The following ADGRV1 variants were observed in gnomAD, a reference collection of about 807,000 sequenced individuals.
ADGRV1 encodes the protein G-protein coupled receptor 98.
ADGRV1 carries 359 observed loss-of-function variants against 596.2 expected under a neutral mutation model. The ratio of observed to expected loss-of-function variants is 0.60; its 90% CI spans 0.55 to 0.66. The LOEUF (loss-of-function observed/expected upper bound fraction) is 0.66. ADGRV1 is among the 30% of genes least tolerant of loss of function. The probability of loss-of-function intolerance (pLI) is 0.00; values close to 1 mark genes in which losing one functional copy is unlikely to be tolerated. For missense variants in ADGRV1, 7,274 were observed against 7,575.6 expected (o/e 0.96, Z 1.48); for synonymous variants, 2,681 against 2,679.2 (o/e 1.00, Z -0.02).
At chr5:91,055,413 T>C (rs923826455) in intron 85 of ADGRV1, among the ~76,000 whole-genome samples, 3 of 152,202 alleles carry the variant, frequency 2.0e-5, no homozygotes, top group Admixed American at 1.3e-4. Context: ...TAATAATGGC[T>C]GTCCTTTACT....
intron 87 of ADGRV1, among the ~76,000 whole-genome samples, chr5:91,134,897 T>A (rs1794505380): frequency 6.6e-6 from 1 of 152,112 alleles, no homozygotes. Context: ...AAATTGGAAA[T>A]TTGGGATTTA....
intron 85 of ADGRV1, among the ~76,000 whole-genome samples, chr5:91,057,983 A>G (rs1480542123): frequency 6.6e-6 from 1 of 152,214 alleles, no homozygotes; most frequent in East Asian, 1.9e-4. Context: ...GATTTATTCA[A>G]TAGTCCCCTA....
At chr5:90,879,697 G>A (rs979831988) in intron 83 of ADGRV1, among the ~76,000 whole-genome samples, 2 of 151,668 alleles carry the variant, frequency 1.3e-5, no homozygotes, top group Admixed American at 6.6e-5. Context: ...CTGTAATCCC[G>A]ACACTTTGGG....
chr5:91,132,346 A>G (rs1380527158), intron 87 of ADGRV1, among the ~76,000 whole-genome samples: 1 of 152,248 alleles, frequency 6.6e-6, no homozygotes, highest in Non-Finnish European at 1.5e-5. Flanking sequence ...CATCACTAAT[A>G]CATTTACAAA....
chr5:90,849,368 A>G (rs1766248315), intron 79 of ADGRV1, among the ~76,000 whole-genome samples: 1 of 152,138 alleles, frequency 6.6e-6, no homozygotes, highest in Admixed American at 6.5e-5. Flanking sequence ...TATAGGTACT[A>G]TACTAATTAC....
chr5:90,840,317 C>A (rs1160869224), intron 77 of ADGRV1, among the ~76,000 whole-genome samples: 1 of 152,192 alleles, frequency 6.6e-6, no homozygotes, highest in Non-Finnish European at 1.5e-5. Context: ...GCAAGAGTGA[C>A]ATTTCTGGTC....
rs769015422 is a variant in ADGRV1, at chr5:90,985,422, T to C, written c.18052T>C (p.Trp6018Arg). ...RRYLLFFLLS[W>R]GLPAFVVILL... ...ATATCTGCTGTTTTTCCTTCTGAGT[T>C]GGGGACTACCAGCTTTTGTGGTGAT... Residue 6018 changes from tryptophan (W) to arginine (R), a missense_variant, in exon 85 of 90, where the codon TGG (tryptophan) becomes CGG (arginine). This residue lies in a region of ADGRV1 where 1,874 missense variants were observed against 1,970.2 expected (regional missense o/e 0.95). Transcript: ENST00000405460. 5.6e-6 allele frequency: 9 copies of C among 1,613,690 alleles called. No individual in the cohort carries two copies. The South Asian group carries it at 9.9e-5, about 18-fold the overall frequency.
intron 56 of ADGRV1, 49 bp from the exon 57 acceptor site, chr5:90,756,930 T>C (rs778554920): frequency 7.2e-7 from 1 of 1,380,158 alleles, no homozygotes; most frequent in Non-Finnish European, 9.9e-7. Flanking sequence ...AGATGACTTA[T>C]GAGAGTTACC....
intron 83 of ADGRV1, among the ~76,000 whole-genome samples, chr5:90,871,648 T>A (rs1398681323): frequency 6.6e-6 from 1 of 152,252 alleles, no homozygotes; most frequent in Admixed American, 6.5e-5. Context: ...TGGAACCTTT[T>A]ATTACAGCTT....
intron 1 of ADGRV1, among the ~76,000 whole-genome samples, chr5:90,596,824 GGAGAGGGCGAGGGAGAGGGAGAGC>G (rs1760727734): frequency 6.8e-6 from 1 of 147,744 alleles, no homozygotes; most frequent in Admixed American, 7.6e-5. Flanking sequence ...CGAGGGCGAG[GGAGAGGGCGAGGGAGAGGGAGAGC>G]GAGAGGGAGA....
chr5:91,053,876 A>G (rs1439158118), intron 85 of ADGRV1, among the ~76,000 whole-genome samples: 1 of 152,226 alleles, frequency 6.6e-6, no homozygotes, highest in Non-Finnish European at 1.5e-5. Flanking sequence ...TGTCCAGAGC[A>G]TAGCAAATAG....
At chr5:91,150,251 C>CTCTCTG in intron 88 of ADGRV1, 30 bp downstream of exon 88, 1 of 1,450,096 alleles carries the variant, frequency 6.9e-7, no homozygotes, top group South Asian at 1.5e-5. Flanking sequence ...CATTCTCTGT[C>CTCTCTG]TCTCTGTCTC....
intron 87 of ADGRV1, among the ~76,000 whole-genome samples, chr5:91,139,258 A>G (rs1794903797): frequency 6.6e-6 from 1 of 152,228 alleles, no homozygotes; most frequent in African/African-American, 2.4e-5. Flanking sequence ...ACGAAGTTCC[A>G]TTATAATGAA....
At chr5:90,678,131 G>C (rs1744480394) in intron 25 of ADGRV1, among the ~76,000 whole-genome samples, 1 of 152,024 alleles carries the variant, frequency 6.6e-6, no homozygotes, top group South Asian at 2.1e-4. Flanking sequence ...GATGATTTCA[G>C]GTTCTGGGTG....
chr5:90,805,241 GT>G (rs1761791436), intron 71 of ADGRV1, 42 bp from the exon 72 acceptor site: 1 of 1,568,266 alleles, frequency 6.4e-7, no homozygotes, highest in Non-Finnish European at 8.7e-7. Context: ...AAACAGGAAG[GT>G]TTAGAGAGAA....
At position 90,689,942 on chromosome 5, in the gene ADGRV1, A is replaced by G. The variant is rs1746248402; in HGVS notation, c.6572A>G (p.Asn2191Ser). The part of the protein sequence containing the change: ...TSKAVPIYVI[N>S]DIYPELEESF... ...AAAGCCGTGCCAATATATGTCATTAATGATATCTATCCTGAACTGGAAGAA... is the reference window on the plus strand; with the variant it reads ...AAAGCCGTGCCAATATATGTCATTAGTGATATCTATCCTGAACTGGAAGAA... The change falls in exon 30 of 90, where the codon AAT (asparagine) becomes AGT (serine). Residue 2191 changes from asparagine (N) to serine (S), a missense_variant. Physicochemically the swap from Asn to Ser is conservative, Grantham distance 46. Coordinates refer to ENST00000405460, the MANE Select transcript of ADGRV1 (RefSeq NM_032119.4). The G allele has an allele frequency of 6.2e-7, 1 of 1,612,946 alleles. No individual in the cohort carries two copies. The highest frequency in any genetic ancestry group is 8.5e-7 in the Non-Finnish European group (1 of 1,179,392).
At chr5:90,732,729 T>C (rs957454040) in intron 50 of ADGRV1, among the ~76,000 whole-genome samples, 3 of 152,258 alleles carry the variant, frequency 2.0e-5, no homozygotes, top group Non-Finnish European at 4.4e-5. Context: ...TGGGTTCTCA[T>C]GTCTGCATCT....
At chr5:90,675,902 A>G (rs1773195405) in intron 24 of ADGRV1, among the ~76,000 whole-genome samples, 178 bp from the exon 25 acceptor site, 1 of 152,214 alleles carries the variant, frequency 6.6e-6, no homozygotes, top group African/African-American at 2.4e-5. Flanking sequence ...ATTTACATTG[A>G]ACATTATTCA....
chr5:91,158,326 A>C (rs1324180698), intron 89 of ADGRV1, among the ~76,000 whole-genome samples: 1 of 152,220 alleles, frequency 6.6e-6, no homozygotes, highest in African/African-American at 2.4e-5. Context: ...TAGCTATAGC[A>C]TCATTCATAA....
Sources: allele counts gnomAD v4.1 joint callset (sites outside exome capture counted in the v4.1 genomes callset), GRCh38; gene constraint gnomAD v4.1.1; regional missense constraint gnomAD v4.1.1; transcripts MANE v1.5; gene names NCBI Gene and HGNC (gene_info 2026-07-23, HGNC 2026-07-21).